Variants in UBE2U observed in about 807,000 individuals in gnomAD.
UBE2U encodes ubiquitin conjugating enzyme E2 U, also known as ubiquitin-conjugating enzyme E2 U.
In UBE2U, 39 loss-of-function variants were observed where a neutral mutation model predicts 41.2. That is an observed-to-expected ratio of 0.95 (90% CI 0.73 to 1.24). UBE2U has a LOEUF of 1.24. UBE2U is among the 50% of genes most tolerant of loss of function. The probability of loss-of-function intolerance (pLI) is 0.00; values close to 1 mark genes in which losing one functional copy is unlikely to be tolerated. For missense variants in UBE2U, 336 were observed against 363.1 expected (o/e 0.93, Z 0.61); for synonymous variants, 107 against 117.8 (o/e 0.91, Z 0.60).
intron 5 of UBE2U, 44 bp from the exon 6 acceptor site, chr1:64,220,815 A>G (rs1652397637): frequency 6.9e-7 from 1 of 1,449,480 alleles, no homozygotes; most frequent in Admixed American, 1.8e-5. Context: ...CCATATATTC[A>G]ATCTCCAAGT....
At chr1:64,237,537 CT>C (rs1193443911) in intron 7 of UBE2U, among the ~76,000 whole-genome samples, 1 of 152,162 alleles carries the variant, frequency 6.6e-6, no homozygotes, top group African/African-American at 2.4e-5. Flanking sequence ...TGTCCTCATT[CT>C]TTCATTGTTT....
At chr1:64,266,909 T>C (rs999326642) in intron 9 of UBE2U, 115 bp from the exon 10 acceptor site, 7 of 902,482 alleles carry the variant, frequency 7.8e-6, no homozygotes, top group Non-Finnish European at 1.2e-5. Flanking sequence ...AAAAGGTTGC[T>C]CACATTCATT....
intron 9 of UBE2U, among the ~76,000 whole-genome samples, chr1:64,265,963 A>G (rs1412756228): frequency 6.6e-6 from 1 of 152,228 alleles, no homozygotes; most frequent in Non-Finnish European, 1.5e-5. Context: ...GACAGCAAAT[A>G]TTACAGGGTT....
At chr1:64,220,179 T>C (rs1652340170) in intron 5 of UBE2U, among the ~76,000 whole-genome samples, 1 of 151,906 alleles carries the variant, frequency 6.6e-6, no homozygotes, top group Admixed American at 6.6e-5. Context: ...AATTATTCAG[T>C]GAGAACCTGG....
chr1:64,261,418 T>A (rs971619369), intron 9 of UBE2U, among the ~76,000 whole-genome samples: 4 of 152,146 alleles, frequency 2.6e-5, no homozygotes, highest in Non-Finnish European at 5.9e-5. Context: ...CTTTGTGAAC[T>A]GAAAAGTACA....
At chr1:64,247,401 A>G (rs1452096304) in intron 8 of UBE2U, among the ~76,000 whole-genome samples, 1 of 152,186 alleles carries the variant, frequency 6.6e-6, no homozygotes, top group Non-Finnish European at 1.5e-5. Context: ...GATGTTCCCC[A>G]AATCTTATGT....
intron 4 of UBE2U, among the ~76,000 whole-genome samples, chr1:64,212,687 A>G (rs1211697758): frequency 6.6e-6 from 1 of 152,128 alleles, no homozygotes; most frequent in African/African-American, 2.4e-5. Flanking sequence ...TTACCATTTG[A>G]GCATCCCAAA....
At chr1:64,204,226 C>T (rs1651149351) in intron 1 of UBE2U, 110 bp downstream of exon 1, 2 of 855,782 alleles carry the variant, frequency 2.3e-6, no homozygotes, top group East Asian at 2.8e-5. Context: ...TGATTTGCCA[C>T]TACAGTATTG....
At chr1:64,245,827 CCT>C (rs1364299140) in intron 8 of UBE2U, among the ~76,000 whole-genome samples, 2 of 152,226 alleles carry the variant, frequency 1.3e-5, no homozygotes, top group East Asian at 3.9e-4. Context: ...TCCCCCAACC[CCT>C]GACGCCCCAG....
chr1:64,266,857 CAAAT>C (rs1170317986), intron 9 of UBE2U, among the ~76,000 whole-genome samples, 163 bp from the exon 10 acceptor site: 1 of 152,130 alleles, frequency 6.6e-6, no homozygotes, highest in Non-Finnish European at 1.5e-5. Flanking sequence ...TGATTTTTGA[CAAAT>C]AAAGTTACTT....
At chr1:64,251,585 G>A (rs886501795) in intron 8 of UBE2U, among the ~76,000 whole-genome samples, 24 of 152,118 alleles carry the variant, frequency 1.6e-4, no homozygotes, top group African/African-American at 4.8e-4. Flanking sequence ...GCAGGGTGAG[G>A]TGAGAGCCCA....
At chr1:64,252,025 C>T (rs1376846476) in intron 8 of UBE2U, among the ~76,000 whole-genome samples, 1 of 152,204 alleles carries the variant, frequency 6.6e-6, no homozygotes, top group Non-Finnish European at 1.5e-5. Flanking sequence ...AATGTGGTCA[C>T]CATTTCTGCA....
At chr1:64,249,767 C>T (rs1644978364) in intron 8 of UBE2U, among the ~76,000 whole-genome samples, 1 of 151,880 alleles carries the variant, frequency 6.6e-6, no homozygotes, top group African/African-American at 2.4e-5. Flanking sequence ...GAAAGAGCCT[C>T]AGTGAGCTGT....
At chr1:64,253,962 G>C (rs1489414820) in intron 8 of UBE2U, among the ~76,000 whole-genome samples, 1 of 152,100 alleles carries the variant, frequency 6.6e-6, no homozygotes, top group Non-Finnish European at 1.5e-5. Context: ...AGAAGACATA[G>C]AGTGGCAAGC....
chr1:64,264,202 A>G (rs1465660819), intron 9 of UBE2U, among the ~76,000 whole-genome samples: 2 of 152,250 alleles, frequency 1.3e-5, no homozygotes, highest in Non-Finnish European at 2.9e-5. Flanking sequence ...ACAGATTTTA[A>G]TATCTTTATT....
intron 8 of UBE2U, among the ~76,000 whole-genome samples, chr1:64,247,957 A>C (rs1570116366): frequency 6.6e-6 from 1 of 150,820 alleles, no homozygotes. Context: ...GCTCCCCTTT[A>C]CCTCTGCCAT....
intron 7 of UBE2U, among the ~76,000 whole-genome samples, chr1:64,239,415 A>C (rs927020542): frequency 6.6e-5 from 10 of 152,044 alleles, no homozygotes; most frequent in Non-Finnish European, 1.2e-4. Context: ...AGATGTGCAC[A>C]ACGTGCAGGT....
intron 1 of UBE2U, among the ~76,000 whole-genome samples, chr1:64,204,846 C>G (rs903687369): frequency 5.9e-5 from 9 of 152,250 alleles, no homozygotes; most frequent in African/African-American, 2.2e-4. Context: ...TTTTTTACCT[C>G]TGCTATAAAA....
chr1:64,255,642 C>T (rs12139359), intron 8 of UBE2U, among the ~76,000 whole-genome samples: 18,648 of 152,014 alleles, frequency 0.12, 1,492 homozygotes, highest in East Asian at 0.28. Flanking sequence ...AAATGTGATT[C>T]ATCACATAAA....
Sources: gnomAD v4.1 joint callset for allele counts (sites outside exome capture counted in the v4.1 genomes callset) on GRCh38, gnomAD v4.1.1 for gene constraint, MANE v1.5 for transcripts, NCBI Gene and HGNC (gene_info 2026-07-23, HGNC 2026-07-21) for gene names.